Variants in DNAJB6 observed in about 807,000 individuals in gnomAD.
DNAJB6 encodes dnaJ homolog subfamily B member 6.
Under a neutral mutation model 42.7 loss-of-function variants are expected in DNAJB6, and 16 were observed. That is an observed-to-expected ratio of 0.37 (90% CI 0.25 to 0.57). The LOEUF (loss-of-function observed/expected upper bound fraction) is 0.57, where lower values mean the gene tolerates loss of function less well. Among genes scored for constraint, DNAJB6 ranks in the 20% least tolerant of loss-of-function variants. The pLI, the probability that DNAJB6 is intolerant of heterozygous loss-of-function variation, is 0.74. For synonymous variants in DNAJB6, 170 were observed against 163.5 expected (o/e 1.04, Z -0.30); for missense variants, 347 against 416.8 (o/e 0.83, Z 1.46).
At chr7:157,387,437 T>C (rs1162918136) in intron 8 of DNAJB6, among the ~76,000 whole-genome samples, 1 of 152,194 alleles carries the variant, frequency 6.6e-6, no homozygotes, top group East Asian at 1.9e-4. Flanking sequence ...GAGCGCGCTT[T>C]TGTTTATGCC....
intron 9 of DNAJB6, chr7:157,410,539 T>G: frequency 6.0e-6 from 1 of 168,066 alleles, no homozygotes; most frequent in Non-Finnish European, 1.3e-5. Context: ...TCCCACCTGT[T>G]AGGGAGCCGG....
At chr7:157,384,437 C>A (rs532622294) in intron 6 of DNAJB6, among the ~76,000 whole-genome samples, 1 of 152,250 alleles carries the variant, frequency 6.6e-6, no homozygotes, top group East Asian at 1.9e-4. Context: ...TTACAAGCCA[C>A]GCCAAAGCAA....
At position 157,416,204 on chromosome 7, in the gene DNAJB6, G is replaced by C; in HGVS notation, c.*106G>C. On this transcript the variant is annotated 3_prime_UTR_variant, in exon 10 of 10. Coordinates refer to ENST00000262177, the MANE Select transcript of DNAJB6 (RefSeq NM_058246.4). The stretch of plus-strand genomic sequence containing the variant: ...TAGCAGCGTCGGTCAGGACTGTCTC[G>C]AGGCCACACTCGCTCGGCAGGATTA... 4.0e-6 allele frequency: 6 copies of C among 1,508,174 alleles called. No homozygotes were observed. Among genetic ancestry groups the C allele is most frequent in the Non-Finnish European group, 3.6e-6 (4 of 1,113,578 alleles). The allele number at this position is 1,508,174 out of a possible 1,614,324, so 93.4% of individuals were successfully genotyped here.
chr7:157,351,975 T>TC (rs1278403383), intron 1 of DNAJB6, among the ~76,000 whole-genome samples: 1 of 151,914 alleles, frequency 6.6e-6, no homozygotes, highest in Non-Finnish European at 1.5e-5. Context: ...AGCCTGGGCG[T>TC]CAGAGAGCGA....
chr7:157,347,444 C>T (rs1472486054), intron 1 of DNAJB6, among the ~76,000 whole-genome samples: 1 of 152,198 alleles, frequency 6.6e-6, no homozygotes, highest in African/African-American at 2.4e-5. Context: ...TGGGCTGAAG[C>T]CATCCTCCTG....
chr7:157,402,849 C>T (rs529398966), intron 8 of DNAJB6, among the ~76,000 whole-genome samples: 8 of 152,330 alleles, frequency 5.3e-5, no homozygotes, highest in Admixed American at 3.9e-4. Flanking sequence ...CCGTGGGCCA[C>T]GGAGAAAGTC....
At chr7:157,371,805 C>G (rs1462324462) in intron 5 of DNAJB6, among the ~76,000 whole-genome samples, 2 of 152,188 alleles carry the variant, frequency 1.3e-5, no homozygotes, top group East Asian at 1.9e-4. Flanking sequence ...AGAAAGGGTA[C>G]CTGATAATAG....
intron 8 of DNAJB6, among the ~76,000 whole-genome samples, chr7:157,409,010 A>G (rs1795871764): frequency 6.6e-6 from 1 of 152,248 alleles, no homozygotes; most frequent in Non-Finnish European, 1.5e-5. Context: ...TGGAGCTCTG[A>G]CGCAGCTGCC....
At chr7:157,372,784 T>G (rs1263640934) in intron 5 of DNAJB6, among the ~76,000 whole-genome samples, 1 of 152,180 alleles carries the variant, frequency 6.6e-6, no homozygotes, top group African/African-American at 2.4e-5. Flanking sequence ...GCTGGCCATG[T>G]GAGACCCAGG....
chr7:157,338,307 G>A (rs1798157322), intron 1 of DNAJB6, among the ~76,000 whole-genome samples: 1 of 151,814 alleles, frequency 6.6e-6, no homozygotes, highest in Admixed American at 6.6e-5. Flanking sequence ...CACCCGTCCC[G>A]CGTTCTCTCT....
Position 157,369,950 on chromosome 7 carries a change from A to ACAT in DNAJB6, c.346+2467_346+2468insCAT, listed in dbSNP as rs1372479054. The stretch of plus-strand genomic sequence containing the variant: ...TTATTATTAAACGGGACCCTTCTTA[A>ACAT]GATTATTAAACGGGCCCTTTCTTAA... On this transcript the variant is annotated intron_variant, in intron 5 of 9. Transcript: ENST00000262177. Among the ~76,000 whole-genome samples the ACAT allele has an allele frequency of 2.3e-4, 32 of 138,898 alleles. 1 individual carries two copies. Among genetic ancestry groups the ACAT allele is most frequent in the African/African-American group, 8.7e-4 (30 of 34,296 alleles). The allele number at this position is 138,898 out of a possible 152,430, so 91.1% of individuals were successfully genotyped here.
At chr7:157,371,271 A>G (rs1800196980) in intron 5 of DNAJB6, among the ~76,000 whole-genome samples, 1 of 152,232 alleles carries the variant, frequency 6.6e-6, no homozygotes, top group African/African-American at 2.4e-5. Context: ...GACCTGGTGT[A>G]CTTTCCACGT....
At chr7:157,350,293 G>A (rs1798901720) in intron 1 of DNAJB6, among the ~76,000 whole-genome samples, 1 of 152,180 alleles carries the variant, frequency 6.6e-6, no homozygotes, top group Admixed American at 6.6e-5. Flanking sequence ...GAGGAACTGT[G>A]AAGAATTGTA....
chr7:157,369,183 GCTGCCAT>G (rs1427488603), intron 5 of DNAJB6: 7 of 432,310 alleles, frequency 1.6e-5, no homozygotes, highest in Non-Finnish European at 3.2e-5. Flanking sequence ...TGTAATCACT[GCTGCCAT>G]CAGCAGAAAC....
intron 8 of DNAJB6, among the ~76,000 whole-genome samples, chr7:157,396,686 C>T (rs894685701): frequency 6.6e-6 from 1 of 152,224 alleles, no homozygotes; most frequent in African/African-American, 2.4e-5. Flanking sequence ...CATACTAAAA[C>T]ATGACCAAAG....
intron 5 of DNAJB6, among the ~76,000 whole-genome samples, chr7:157,371,455 G>C (rs1800206874): frequency 6.6e-6 from 1 of 152,260 alleles, no homozygotes; most frequent in African/African-American, 2.4e-5. Flanking sequence ...GCACCAGGCA[G>C]TGCTCACTGT....
chr7:157,404,660 G>A (rs1007022339), intron 8 of DNAJB6, among the ~76,000 whole-genome samples: 5 of 151,864 alleles, frequency 3.3e-5, no homozygotes, highest in Non-Finnish European at 7.4e-5. Context: ...ACAGGCACAC[G>A]CCACCACACC....
intron 5 of DNAJB6, chr7:157,378,930 TTC>T (rs1163004280): frequency 1.3e-5 from 2 of 152,208 alleles, no homozygotes; most frequent in African/African-American, 4.8e-5. Flanking sequence ...TTAGCACTGT[TTC>T]TGTTACAAAT....
chr7:157,366,036 C>T (rs145253828), intron 3 of DNAJB6, among the ~76,000 whole-genome samples: 1,549 of 151,916 alleles, frequency 0.01, 15 homozygotes, highest in Middle Eastern at 0.031. Context: ...CCACAAACTC[C>T]GCCTCCCGGG....
Sources: gnomAD v4.1 joint callset for allele counts (sites outside exome capture counted in the v4.1 genomes callset) on GRCh38, gnomAD v4.1.1 for gene constraint, MANE v1.5 for transcripts, NCBI Gene and HGNC (gene_info 2026-07-23, HGNC 2026-07-21) for gene names.